The following FLT3 variants were observed in gnomAD, a reference collection of about 807,000 sequenced individuals.
The protein encoded by FLT3 is receptor-type tyrosine-protein kinase FLT3.
A neutral mutation model predicts 126.6 loss-of-function variants in FLT3; 46 were observed. The observed-to-expected ratio is 0.36, with a 90% CI of 0.29 to 0.46. FLT3 has a LOEUF of 0.46. FLT3 is among the 20% of genes least tolerant of loss of function. The pLI, the probability that FLT3 is intolerant of heterozygous loss-of-function variation, is 1.00. For missense variants in FLT3, 1,069 were observed against 1,190.3 expected (o/e 0.90, Z 1.50); for synonymous variants, 404 against 434.4 (o/e 0.93, Z 0.87).
rs9554239 is a variant in FLT3, at chr13:28,070,693, A to G, written c.44-81T>C. The G allele has an allele frequency of 0.18, 199,488 of 1,116,946 alleles. 18,884 individuals are homozygous for G. Among genetic ancestry groups the G allele is most frequent in the Middle Eastern group, 0.24 (892 of 3,750 alleles). 69.2% of individuals were successfully genotyped at this position (1,116,946 alleles called of 1,614,324 possible). On this transcript the variant is annotated intron_variant, in intron 1 of 23. Transcript: ENST00000241453. ...CATGCATTTATCTTGCAACCAAACA[A>G]CAAAACAAAGTGTAATCAGAGGAAA...
chr13:28,080,843 T>G, intron 1 of FLT3, among the ~76,000 whole-genome samples: 1 of 152,230 alleles, frequency 6.6e-6, no homozygotes, highest in Non-Finnish European at 1.5e-5. Context: ...GATCAAAGTT[T>G]TGCACATGAA....
intron 23 of FLT3, among the ~76,000 whole-genome samples, chr13:28,007,023 G>T (rs1461101833): frequency 6.6e-6 from 1 of 152,076 alleles, no homozygotes; most frequent in African/African-American, 2.4e-5. Context: ...TTACAGGCGT[G>T]AGCCACCACC....
chr13:28,012,299 C>A (rs1871458850), intron 23 of FLT3, among the ~76,000 whole-genome samples: 1 of 152,074 alleles, frequency 6.6e-6, no homozygotes, highest in South Asian at 2.1e-4. Flanking sequence ...CTGACAGGCC[C>A]CCTGAACACA....
chr13:28,028,104 A>C, intron 16 of FLT3, 74 bp downstream of exon 16: 3 of 780,638 alleles, frequency 3.8e-6, no homozygotes, highest in Non-Finnish European at 2.3e-6. Context: ...AGAGAGAGAG[A>C]GAGAGAGCAA....
At chr13:28,074,006 T>C (rs1053962082) in intron 1 of FLT3, among the ~76,000 whole-genome samples, 5 of 151,754 alleles carry the variant, frequency 3.3e-5, no homozygotes, top group African/African-American at 9.7e-5. Flanking sequence ...TAAAGTTACC[T>C]ATCACTCTCA....
chr13:28,097,313 T>A (rs1879521473), intron 1 of FLT3, among the ~76,000 whole-genome samples: 1 of 152,166 alleles, frequency 6.6e-6, no homozygotes, highest in Non-Finnish European at 1.5e-5. Context: ...AAAACAGATT[T>A]TTTCTTCCTA....
rs1875325748 is a variant in FLT3 at position 28,050,333 on chromosome 13, A to G, written c.615-111T>C. 6.3e-6 allele frequency: 6 copies of G among 957,888 alleles called. 1 individual carries two copies. In the Admixed American group the frequency reaches 1.4e-4, roughly 23 times the overall value. 59.3% of individuals were successfully genotyped at this position (957,888 alleles called of 1,614,324 possible). ...CAGTTTTAAGGGTCAAATGGTAAAC[A>G]AAAGGTCAAAAGGTAAACAAGCCCA... On this transcript the variant is annotated intron_variant, in intron 5 of 23. Transcript: ENST00000241453.
At chr13:28,051,127 G>A (rs560369286) in intron 5 of FLT3, among the ~76,000 whole-genome samples, 9 of 152,320 alleles carry the variant, frequency 5.9e-5, no homozygotes, top group African/African-American at 2.2e-4. Flanking sequence ...TCAAACCCAG[G>A]CTATCTGGCT....
chr13:28,086,201 T>TA (rs1878660864), intron 1 of FLT3, among the ~76,000 whole-genome samples: 1 of 152,172 alleles, frequency 6.6e-6, no homozygotes, highest in Non-Finnish European at 1.5e-5. Context: ...ACTGAGCTTT[T>TA]AAAAAAATGA....
chr13:28,059,642 A>C (rs1362242991), intron 3 of FLT3, among the ~76,000 whole-genome samples: 1 of 152,194 alleles, frequency 6.6e-6, no homozygotes, highest in Non-Finnish European at 1.5e-5. Flanking sequence ...CCCAAGAATA[A>C]ATTTCCTTTA....
chr13:28,025,777 G>A (rs2491244), intron 17 of FLT3, among the ~76,000 whole-genome samples: 70,624 of 151,920 alleles, frequency 0.46, 18,184 homozygotes, highest in East Asian at 0.68. Context: ...TGGGAAATGA[G>A]TGTAAAGGAG....
At chr13:28,077,947 T>C (rs1432317020) in intron 1 of FLT3, among the ~76,000 whole-genome samples, 4 of 152,220 alleles carry the variant, frequency 2.6e-5, no homozygotes, top group African/African-American at 9.6e-5. Flanking sequence ...AGCTCCAAAA[T>C]GATCTCTTTT....
intron 17 of FLT3, among the ~76,000 whole-genome samples, chr13:28,025,733 G>C (rs1295268588): frequency 6.6e-6 from 1 of 152,142 alleles, no homozygotes; most frequent in African/African-American, 2.4e-5. Context: ...GAATATGAGT[G>C]GCTTTATAGA....
At position 28,036,032 on chromosome 13, in the gene FLT3, C is replaced by T. The variant is rs139990734; in HGVS notation, c.1321G>A (p.Val441Met). ...TGACTTGCCGATGCTTCTGCGAGCACTTGAGGTTTCCCTATAGAAAAGAAC... is the reference window on the plus strand; with the variant it reads ...TGACTTGCCGATGCTTCTGCGAGCATTTGAGGTTTCCCTATAGAAAAGAAC... ...FTLNIRRKPQ[V>M]LAEASASQAS... The change falls in exon 11 of 24, where the codon GTG (valine) becomes ATG (methionine). Residue 441 changes from valine to methionine, a missense_variant. Val to Met is a conservative substitution (Grantham distance 21, BLOSUM62 1). Coordinates refer to ENST00000241453, the MANE Select transcript of FLT3 (RefSeq NM_004119.3). 2.5e-6 allele frequency: 4 copies of T among 1,613,902 alleles called. No individual in the cohort carries two copies. Among genetic ancestry groups the T allele is most frequent in the Non-Finnish European group, 3.4e-6 (4 of 1,179,958 alleles).
At chr13:28,075,135 A>G (rs1031010628) in intron 1 of FLT3, among the ~76,000 whole-genome samples, 1 of 152,232 alleles carries the variant, frequency 6.6e-6, no homozygotes, top group Non-Finnish European at 1.5e-5. Context: ...CTCACGGAGT[A>G]TAATGTGATG....
chr13:28,047,013 T>C (rs1377852861), intron 9 of FLT3, among the ~76,000 whole-genome samples: 4 of 152,068 alleles, frequency 2.6e-5, no homozygotes, highest in African/African-American at 9.7e-5. Context: ...CACTTCAAGC[T>C]CTCAATAGCC....
At chr13:28,026,618 T>C (rs1872827266) in intron 17 of FLT3, among the ~76,000 whole-genome samples, 1 of 152,192 alleles carries the variant, frequency 6.6e-6, no homozygotes, top group Admixed American at 6.6e-5. Flanking sequence ...AGGTTACTGC[T>C]ACTTTACTGT....
At chr13:28,092,956 C>G (rs1259300042) in intron 1 of FLT3, among the ~76,000 whole-genome samples, 1 of 131,656 alleles carries the variant, frequency 7.6e-6, no homozygotes, top group Non-Finnish European at 1.5e-5. Context: ...GGGTCTCGCT[C>G]TGTCACCCAG....
chr13:28,095,177 C>T (rs1879377125), intron 1 of FLT3, among the ~76,000 whole-genome samples: 1 of 152,188 alleles, frequency 6.6e-6, no homozygotes, highest in African/African-American at 2.4e-5. Context: ...TCAGACAAAC[C>T]ACCTACTGTG....
Sources: gnomAD v4.1 joint callset for allele counts (sites outside exome capture counted in the v4.1 genomes callset) on GRCh38, gnomAD v4.1.1 for gene constraint, MANE v1.5 for transcripts, NCBI Gene and HGNC (gene_info 2026-07-23, HGNC 2026-07-21) for gene names.